Variants in PMM2 observed in about 807,000 individuals in gnomAD.
The protein encoded by PMM2 is mannose-6-phosphate isomerase.
PMM2 carries 35 observed loss-of-function variants against 33.2 expected under a neutral mutation model. The observed-to-expected ratio is 1.06, with a 90% CI of 0.81 to 1.40. The LOEUF (loss-of-function observed/expected upper bound fraction) is 1.40, where lower values mean the gene tolerates loss of function less well. Ranked by LOEUF, PMM2 falls within the 40% of genes most tolerant of loss-of-function variation. The pLI is 0.00. For missense variants in PMM2, 386 were observed against 306.0 expected (o/e 1.26, Z -1.95); for synonymous variants, 153 against 114.7 (o/e 1.33, Z -2.13).
At chr16:8,829,546 C>G (rs979162461) in intron 7 of PMM2, among the ~76,000 whole-genome samples, 15 of 152,340 alleles carry the variant, frequency 9.8e-5, no homozygotes, top group African/African-American at 3.6e-4. Flanking sequence ...AGTCACTATG[C>G]TCAGTGCCCA....
intron 7 of PMM2, among the ~76,000 whole-genome samples, chr16:8,819,503 T>C (rs1352615822): frequency 6.6e-6 from 1 of 152,164 alleles, no homozygotes; most frequent in Non-Finnish European, 1.5e-5. Context: ...GTTTGAACTA[T>C]ATGAATGTGC....
At chr16:8,845,465 T>A (rs1384998142) in intron 7 of PMM2, among the ~76,000 whole-genome samples, 1 of 152,138 alleles carries the variant, frequency 6.6e-6, no homozygotes, top group Non-Finnish European at 1.5e-5. Flanking sequence ...ACAGTAGGTG[T>A]TCTAGAAAGG....
chr16:8,843,361 G>T (rs575177509), intron 7 of PMM2, among the ~76,000 whole-genome samples: 1 of 152,244 alleles, frequency 6.6e-6, no homozygotes, highest in South Asian at 2.1e-4. Context: ...ATCTTCAGCC[G>T]CTAAGCCAAG....
chr16:8,845,834 T>C (rs2060922273), intron 7 of PMM2, among the ~76,000 whole-genome samples: 1 of 149,790 alleles, frequency 6.7e-6, no homozygotes, highest in Admixed American at 6.7e-5. Flanking sequence ...TTACTGGAAC[T>C]AGCTTGGCAC....
At chr16:8,843,805 G>A (rs554577885) in intron 7 of PMM2, among the ~76,000 whole-genome samples, 74 of 152,206 alleles carry the variant, frequency 4.9e-4, no homozygotes, top group African/African-American at 1.6e-3. Context: ...AGAATAAGAC[G>A]GCCTTTTGAC....
intron 7 of PMM2, among the ~76,000 whole-genome samples, chr16:8,825,598 T>C (rs769987478): frequency 1.3e-5 from 2 of 152,110 alleles, no homozygotes; most frequent in Non-Finnish European, 2.9e-5. Context: ...GGGATTACAG[T>C]TGTGAGCCAC....
rs145914261 is a variant in PMM2, at chr16:8,840,010, G to A, written c.640-7714G>A. On this transcript the variant is annotated intron_variant, in intron 7 of 7. Coordinates refer to ENST00000268261, the MANE Select transcript of PMM2 (RefSeq NM_000303.3). ...CTTCAGGAGGGTAAAGGTGAGGGCT[G>A]TTACAGGAAGTTCGGAGGTGTAGGG... Among the ~76,000 whole-genome samples the A allele has an allele frequency of 4.4e-3, 666 of 151,932 alleles. 7 individuals carry two copies. Among genetic ancestry groups the A allele is most frequent in the African/African-American group, 0.015 (633 of 41,480 alleles).
Position 8,800,303 on chromosome 16 carries a change from A to G in PMM2, c.67-1496A>G, listed in dbSNP as rs145156169. Reference sequence around the variant, plus strand: ...TTGAACCCAGGAAGTGGAGGTTGCAATGAGCCGAGACCACACCATTGCACT... The same window carrying G: ...TTGAACCCAGGAAGTGGAGGTTGCAGTGAGCCGAGACCACACCATTGCACT... On this transcript the variant is annotated intron_variant, in intron 1 of 7. Transcript: ENST00000268261. Among the ~76,000 whole-genome samples, 794 of 151,816 alleles carry G rather than the reference A, an allele frequency of 5.2e-3. 2 individuals carry two copies. Among genetic ancestry groups the G allele is most frequent in the Middle Eastern group, 0.014 (4 of 294 alleles).
At chr16:8,807,973 A>G (rs1045338703) in intron 4 of PMM2, 15 of 152,212 alleles carry the variant, frequency 9.9e-5, no homozygotes, top group Admixed American at 9.8e-4. Flanking sequence ...TGAGGTTGCA[A>G]GTGATTTCTT....
Position 8,797,945 on chromosome 16 carries a change from G to T in PMM2, c.63G>T (p.Arg21=), listed in dbSNP as rs746576072. ...TGGATGGGACCCTCACCGCCCCGCG[G>T]CAGGTAAGTGGCGGCCGGCGGGCTG... ...FDVDGTLTAP[R]QKITKEMDDF... Residue 21 remains arginine (R), a synonymous_variant, in exon 1 of 8, where the codon CGG becomes CGT. Transcript: ENST00000268261. 6.2e-7 allele frequency: 1 copy of T among 1,604,574 alleles called. No homozygotes were observed. The highest frequency in any genetic ancestry group is 1.1e-5 in the South Asian group (1 of 89,424).
Position 8,813,020 on chromosome 16 carries a change from G to C in PMM2, c.553G>C (p.Asp185His). The C allele has an allele frequency of 6.2e-7, 1 of 1,613,426 alleles. No homozygotes were observed. The highest frequency in any genetic ancestry group is 8.5e-7 in the Non-Finnish European group (1 of 1,179,310). ...GGQISFDVFP[D>H]GWDKRYCLRH... is the part of the protein sequence containing the mutation. Reference sequence around the variant, plus strand: ...CCAGATCAGCTTTGATGTCTTTCCTGATGGATGGGACAAGAGATACTGTCT... The same window carrying C: ...CCAGATCAGCTTTGATGTCTTTCCTCATGGATGGGACAAGAGATACTGTCT... Residue 185 changes from aspartate (D) to histidine (H), a missense_variant, in exon 7 of 8, where the codon GAT (aspartate) becomes CAT (histidine). By Grantham distance (81) the Asp-to-His change is moderately conservative (BLOSUM62 -1). Coordinates refer to ENST00000268261, the MANE Select transcript of PMM2 (RefSeq NM_000303.3).
rs768832263 is a variant in PMM2, at chr16:8,801,877, T to C, written c.145T>C (p.Phe49Leu). 4 of 1,611,580 alleles carry C rather than the reference T, an allele frequency of 2.5e-6. No homozygotes were observed. The South Asian group carries it at 4.4e-5, about 18-fold the overall frequency. The stretch of plus-strand genomic sequence containing the variant: ...AATCGGAGTGGTAGGCGGATCGGAC[T>C]TTGAGAAAGTGCAGGAGCAACTGGG... ...IKIGVVGGSDFEKVQEQLGND... is the reference protein window; with the variant it reads ...IKIGVVGGSDLEKVQEQLGND... The change falls in exon 2 of 8, where the codon TTT (phenylalanine) becomes CTT (leucine). Residue 49 changes from phenylalanine to leucine, a missense_variant. By Grantham distance (22) the Phe-to-Leu change is conservative. Coordinates refer to ENST00000268261, the MANE Select transcript of PMM2 (RefSeq NM_000303.3).
chr16:8,812,744 C>T (rs1347975853), intron 6 of PMM2, among the ~76,000 whole-genome samples: 1 of 152,222 alleles, frequency 6.6e-6, no homozygotes, highest in African/African-American at 2.4e-5. Context: ...AACGCAAATG[C>T]ATTTCTCACT....
intron 7 of PMM2, chr16:8,832,719 G>A: frequency 3.0e-6 from 3 of 985,324 alleles, no homozygotes; most frequent in East Asian, 1.1e-4. Context: ...TCTGATCATG[G>A]CCCGGGCTTG....
chr16:8,799,274 C>T (rs2060597492), intron 1 of PMM2, among the ~76,000 whole-genome samples: 1 of 152,146 alleles, frequency 6.6e-6, no homozygotes, highest in South Asian at 2.1e-4. Context: ...TTTACATTGC[C>T]ACCCTTTTTC....
In PMM2 at chr16:8,806,754, T is replaced by C. The variant is rs192151308; in HGVS notation, c.347+347T>C. Reference sequence around the variant, plus strand: ...GAATGATTACGTAAATGATGGCTTATCCACATGATGGAAATTTATACAACC... The same window carrying C: ...GAATGATTACGTAAATGATGGCTTACCCACATGATGGAAATTTATACAACC... On this transcript the variant is annotated intron_variant, in intron 4 of 7. Transcript: ENST00000268261. 169 of 325,348 alleles carry C rather than the reference T, an allele frequency of 5.2e-4. 2 individuals carry two copies. The highest frequency in any genetic ancestry group is 8.7e-4 in the Non-Finnish European group (149 of 170,904). The allele number at this position is 325,348 out of a possible 1,614,324, so 20.2% of individuals were successfully genotyped here.
intron 7 of PMM2, among the ~76,000 whole-genome samples, chr16:8,834,916 A>G (rs1175431346): frequency 6.6e-6 from 1 of 152,160 alleles, no homozygotes; most frequent in Non-Finnish European, 1.5e-5. Context: ...GGCCAGATTG[A>G]GGTCCGGGCC....
intron 4 of PMM2, chr16:8,809,217 T>G (rs1280722043): frequency 6.6e-6 from 1 of 152,164 alleles, no homozygotes; most frequent in Non-Finnish European, 1.5e-5. Context: ...CTCTCGGTAT[T>G]TCCAATGGCC....
At chr16:8,821,560 A>G (rs140112912) in intron 7 of PMM2, among the ~76,000 whole-genome samples, 2 of 152,298 alleles carry the variant, frequency 1.3e-5, no homozygotes, top group African/African-American at 4.8e-5. Flanking sequence ...TGTCCGCAGA[A>G]TCGGCATCTC....
Sources: gnomAD v4.1 joint callset for allele counts (sites outside exome capture counted in the v4.1 genomes callset) on GRCh38, gnomAD v4.1.1 for gene constraint, MANE v1.5 for transcripts, NCBI Gene and HGNC (gene_info 2026-07-23, HGNC 2026-07-21) for gene names.